Variants in MYO1E observed in about 807,000 individuals in gnomAD.
The protein encoded by MYO1E is myosin IE.
In MYO1E, 68 loss-of-function variants were observed where a neutral mutation model predicts 151.1. The ratio of observed to expected loss-of-function variants is 0.45; its 90% confidence interval spans 0.37 to 0.55. The LOEUF (loss-of-function observed/expected upper bound fraction) is 0.55, where lower values mean the gene tolerates loss of function less well. Ranked by LOEUF, MYO1E falls within the 20% of genes least tolerant of loss-of-function variation. The pLI, the probability that MYO1E is intolerant of heterozygous loss-of-function variation, is 0.00. For missense variants in MYO1E, 1,363 were observed against 1,389.3 expected, an observed-to-expected ratio of 0.98 and a Z score of 0.30; for synonymous variants, 601 against 501.7, an observed-to-expected ratio of 1.20 and a Z score of -2.64.
Position 59,161,246 on chromosome 15 carries a change from T to C in MYO1E, c.2628-16A>G. On this transcript the variant is annotated splice_polypyrimidine_tract_variant and intron_variant, in intron 23 of 27. Coordinates refer to ENST00000288235, the MANE Select transcript of MYO1E (RefSeq NM_004998.4). ...CAGTTCAAGCCTGCAAAAAGCACAG[T>C]GGGGTTAACAGGTCGAAGGACGCAG... is the stretch of plus-strand genomic sequence containing the variant. 6.2e-7 allele frequency: 1 copy of C among 1,612,816 alleles called. No homozygotes were observed. Among genetic ancestry groups the C allele is most frequent in the Non-Finnish European group, 8.5e-7 (1 of 1,179,292 alleles).
rs757313226 is a variant in MYO1E, at chr15:59,135,573, G to C, written c.*1807C>G. The C allele has an allele frequency of 2.3e-4, 35 of 152,184 alleles. No homozygotes were observed. Among genetic ancestry groups the C allele is most frequent in the Admixed American group, 8.5e-4 (13 of 15,278 alleles). 9.4% of individuals were successfully genotyped at this position (152,184 alleles called of 1,614,324 possible). A position where few individuals can be genotyped will look rare whatever the true frequency, so the allele number is the denominator to read the frequency against. ...CATGGCTCTACTTTCCTCTCTGGTC[G>C]CAACATGGAACTGAAGTAGCCTTTT... On this transcript the variant is annotated 3_prime_UTR_variant, in exon 28 of 28. Coordinates refer to ENST00000288235, the MANE Select transcript of MYO1E (RefSeq NM_004998.4).
intron 23 of MYO1E, among the ~76,000 whole-genome samples, chr15:59,162,909 T>C (rs1276579663): frequency 6.6e-6 from 1 of 152,214 alleles, no homozygotes; most frequent in African/African-American, 2.4e-5. Context: ...ATTCAGGTGA[T>C]TTTTGTCTAA....
At chr15:59,261,304 C>T (rs1366173633) in intron 3 of MYO1E, 116 bp downstream of exon 3, 3 of 549,456 alleles carry the variant, frequency 5.5e-6, no homozygotes, top group African/African-American at 1.9e-5. Flanking sequence ...ACTCAAGTTT[C>T]TCCAATAAAA....
chr15:59,193,297 T>G (rs2079745399), intron 17 of MYO1E, among the ~76,000 whole-genome samples: 4 of 152,204 alleles, frequency 2.6e-5, no homozygotes, highest in Admixed American at 2.6e-4. Context: ...CAAGATGTTT[T>G]CTGTATGATT....
At chr15:59,208,002 G>C (rs2079851576) in intron 14 of MYO1E, 1 of 1,612,572 alleles carries the variant, frequency 6.2e-7, no homozygotes, top group Non-Finnish European at 8.5e-7. Flanking sequence ...ACCTTATAAA[G>C]ATAAAGCTGA....
At chr15:59,180,101 A>C (rs1350294798) in intron 18 of MYO1E, among the ~76,000 whole-genome samples, 1 of 152,198 alleles carries the variant, frequency 6.6e-6, no homozygotes, top group African/African-American at 2.4e-5. Flanking sequence ...AAATGTCTGC[A>C]TCTTGCCTGA....
In MYO1E at chr15:59,214,318, G is replaced by GA. The variant is rs371013910; in HGVS notation, c.1189-5dup. ...AAAACTGTTCAAAGCCATTTTTCTG[G>GA]AAAAAAAAAGTTATTCACATGTAAT... On this transcript the variant is annotated splice_region_variant and splice_polypyrimidine_tract_variant and intron_variant, in intron 11 of 27. Transcript: ENST00000288235. The GA allele has an allele frequency of 4.6e-4, 733 of 1,582,980 alleles. 1 individual carries two copies. Among genetic ancestry groups the GA allele is most frequent in the Middle Eastern group, 1.2e-3 (6 of 5,076 alleles).
intron 2 of MYO1E, among the ~76,000 whole-genome samples, chr15:59,264,398 G>C (rs745415956): frequency 1.3e-5 from 2 of 152,164 alleles, no homozygotes; most frequent in African/African-American, 2.4e-5. Flanking sequence ...AGCAGGTACT[G>C]TTGCGTTAAT....
intron 1 of MYO1E, among the ~76,000 whole-genome samples, chr15:59,352,299 G>A (rs1253540984): frequency 6.6e-6 from 1 of 152,164 alleles, no homozygotes; most frequent in Non-Finnish European, 1.5e-5. Context: ...CCTAACCTTG[G>A]AAGATGATAT....
intron 17 of MYO1E, among the ~76,000 whole-genome samples, chr15:59,192,847 G>A (rs1254270212): frequency 6.6e-6 from 1 of 152,186 alleles, no homozygotes; most frequent in Non-Finnish European, 1.5e-5. Context: ...ACATGTGGAT[G>A]TATGTGTGGG....
intron 6 of MYO1E, among the ~76,000 whole-genome samples, chr15:59,228,599 C>T (rs966842760): frequency 6.6e-6 from 1 of 151,650 alleles, no homozygotes; most frequent in Admixed American, 6.6e-5. Flanking sequence ...TGCTTAGAAA[C>T]TTAAGCACCC....
chr15:59,151,447 C>CCCCA (rs1427576486), intron 26 of MYO1E, among the ~76,000 whole-genome samples: 19 of 151,928 alleles, frequency 1.3e-4, no homozygotes, highest in African/African-American at 4.3e-4. Context: ...AAAAAACCCC[C>CCCCA]CCCAAAAAAA....
intron 1 of MYO1E, among the ~76,000 whole-genome samples, chr15:59,283,996 C>T (rs996272536): frequency 2.6e-5 from 4 of 152,186 alleles, no homozygotes; most frequent in Admixed American, 2.0e-4. Flanking sequence ...AAACAGAATA[C>T]CTGGTACAAA....
At chr15:59,214,167 A>C in intron 12 of MYO1E, 61 bp downstream of exon 12, 1 of 1,361,712 alleles carries the variant, frequency 7.3e-7, no homozygotes, top group Admixed American at 2.1e-5. Flanking sequence ...ACAGAAATCT[A>C]TACCCTCTTA....
chr15:59,238,641 G>T (rs181880621), intron 4 of MYO1E, among the ~76,000 whole-genome samples: 1 of 152,138 alleles, frequency 6.6e-6, no homozygotes, highest in East Asian at 1.9e-4. Context: ...GCACAATCTT[G>T]GCTCACTGCA....
intron 3 of MYO1E, among the ~76,000 whole-genome samples, chr15:59,257,437 G>A (rs1337500216): frequency 2.0e-5 from 3 of 152,186 alleles, no homozygotes; most frequent in South Asian, 2.1e-4. Flanking sequence ...GAATAATAGC[G>A]TCCAAGCTGC....
chr15:59,287,942 G>C (rs2080396769), intron 1 of MYO1E, among the ~76,000 whole-genome samples: 3 of 152,258 alleles, frequency 2.0e-5, no homozygotes, highest in African/African-American at 7.2e-5. Flanking sequence ...AACTTTTAAA[G>C]TAGATGATAG....
chr15:59,253,462 G>T (rs576324834), intron 4 of MYO1E, among the ~76,000 whole-genome samples: 5 of 150,376 alleles, frequency 3.3e-5, no homozygotes, highest in Non-Finnish European at 7.4e-5. Context: ...TGCCAAAAAC[G>T]GAATCTGAGT....
chr15:59,366,467 T>C (rs2080914329), intron 1 of MYO1E, among the ~76,000 whole-genome samples: 1 of 152,158 alleles, frequency 6.6e-6, no homozygotes, highest in Admixed American at 6.5e-5. Flanking sequence ...TTTAAAATTT[T>C]TTTTGGTAAA....
Sources: gnomAD v4.1 joint callset for allele counts (sites outside exome capture counted in the v4.1 genomes callset) on GRCh38, gnomAD v4.1.1 for gene constraint, MANE v1.5 for transcripts, NCBI Gene and HGNC (gene_info 2026-07-23, HGNC 2026-07-21) for gene names.